CACNA2D3: variants seen among roughly 807,000 people sequenced by gnomAD.
CACNA2D3 encodes voltage-dependent calcium channel subunit alpha-2/delta-3.
Under a neutral mutation model 160.6 loss-of-function variants are expected in CACNA2D3, and 60 were observed. That is an observed-to-expected ratio of 0.37 (90% CI 0.30 to 0.46). CACNA2D3 has a LOEUF of 0.46. Ranked by LOEUF, CACNA2D3 falls within the 20% of genes least tolerant of loss-of-function variation. The pLI is 1.00. For missense variants in CACNA2D3, 1,205 were observed against 1,365.0 expected (o/e 0.88, Z 1.85); for synonymous variants, 558 against 492.9 (o/e 1.13, Z -1.75).
At chr3:54,541,847 G>A (rs1701984589) in intron 5 of CACNA2D3, among the ~76,000 whole-genome samples, 1 of 152,036 alleles carries the variant, frequency 6.6e-6, no homozygotes, top group Admixed American at 6.5e-5. Context: ...TGTAGATTTA[G>A]GTGATGGTTT....
intron 2 of CACNA2D3, among the ~76,000 whole-genome samples, chr3:54,242,096 G>C (rs1701985068): frequency 6.6e-6 from 1 of 151,978 alleles, no homozygotes; most frequent in South Asian, 2.1e-4. Context: ...TTATAAATTA[G>C]GCACAATAAA....
chr3:54,555,558 G>T (rs183935144), intron 5 of CACNA2D3, among the ~76,000 whole-genome samples: 3 of 152,338 alleles, frequency 2.0e-5, no homozygotes, highest in African/African-American at 7.2e-5. Flanking sequence ...GATCAGGGTT[G>T]TGGGAGGCGC....
intron 35 of CACNA2D3, among the ~76,000 whole-genome samples, chr3:55,023,169 T>C (rs1703497045): frequency 6.6e-6 from 1 of 152,190 alleles, no homozygotes; most frequent in African/African-American, 2.4e-5. Context: ...TTCCATTGTC[T>C]TCTCACTTTT....
Position 54,774,632 on chromosome 3 carries a change from T to C in CACNA2D3, c.1380+10281T>C, listed in dbSNP as rs976251212. Among the ~76,000 whole-genome samples the C allele has an allele frequency of 9.2e-3, 1,152 of 125,832 alleles. 18 individuals carry two copies. Among genetic ancestry groups the C allele is most frequent in the African/African-American group, 0.031 (1,075 of 35,240 alleles). The allele number at this position is 125,832 out of a possible 152,430, so 82.6% of individuals were successfully genotyped here. On this transcript the variant is annotated intron_variant, in intron 13 of 37. Coordinates refer to ENST00000474759, the MANE Select transcript of CACNA2D3 (RefSeq NM_018398.3). ...TATTTTGACTTGCTCTTTGACTATT[T>C]TTTTTTTTTTTTTTTTTTTTGAAAT...
At chr3:54,750,610 T>C (rs896736885) in intron 11 of CACNA2D3, among the ~76,000 whole-genome samples, 4 of 152,218 alleles carry the variant, frequency 2.6e-5, no homozygotes, top group Admixed American at 2.6e-4. Flanking sequence ...GCTGCAACTT[T>C]GATGAAATGA....
chr3:54,222,097 ATTATT>A (rs1159517420), intron 2 of CACNA2D3, among the ~76,000 whole-genome samples: 1 of 152,184 alleles, frequency 6.6e-6, no homozygotes, highest in Non-Finnish European at 1.5e-5. Flanking sequence ...ATGCTTACTT[ATTATT>A]TTAGTTAAAA....
At chr3:54,347,728 C>A (rs974187024) in intron 3 of CACNA2D3, among the ~76,000 whole-genome samples, 1 of 152,030 alleles carries the variant, frequency 6.6e-6, no homozygotes, top group South Asian at 2.1e-4. Flanking sequence ...TTGCCAGGGA[C>A]CCCATGGATC....
At chr3:54,439,313 G>T in intron 4 of CACNA2D3, among the ~76,000 whole-genome samples, 1 of 151,684 alleles carries the variant, frequency 6.6e-6, no homozygotes, top group East Asian at 1.9e-4. Flanking sequence ...AGGAGGGTGT[G>T]TGTGTGTGTG....
intron 3 of CACNA2D3, among the ~76,000 whole-genome samples, chr3:54,329,419 C>CG (rs1704194552): frequency 6.6e-6 from 1 of 152,128 alleles, no homozygotes. Context: ...GGCCAGAGAA[C>CG]TCCTGATAAA....
At chr3:54,372,229 A>G (rs1698936839) in intron 3 of CACNA2D3, among the ~76,000 whole-genome samples, 1 of 152,270 alleles carries the variant, frequency 6.6e-6, no homozygotes, top group Non-Finnish European at 1.5e-5. Flanking sequence ...AACTTCAGCT[A>G]CGTGGAATTG....
intron 2 of CACNA2D3, among the ~76,000 whole-genome samples, chr3:54,249,767 T>G (rs1003663830): frequency 3.8e-5 from 2 of 52,502 alleles, no homozygotes; most frequent in Non-Finnish European, 8.6e-5. Context: ...AAATTATGTT[T>G]TTTTTTTTTT....
intron 4 of CACNA2D3, among the ~76,000 whole-genome samples, chr3:54,402,180 C>A (rs1233819215): frequency 6.6e-6 from 1 of 151,794 alleles, no homozygotes; most frequent in Non-Finnish European, 1.5e-5. Flanking sequence ...CAGAAACTTA[C>A]TAGATTACAA....
intron 11 of CACNA2D3, among the ~76,000 whole-genome samples, chr3:54,645,148 G>C (rs1374984192): frequency 6.6e-6 from 1 of 152,152 alleles, no homozygotes; most frequent in African/African-American, 2.4e-5. Flanking sequence ...TTACAATCAT[G>C]GCAGAAGGGG....
chr3:54,461,035 A>G (rs548156749), intron 4 of CACNA2D3, among the ~76,000 whole-genome samples: 141 of 147,366 alleles, frequency 9.6e-4, no homozygotes, highest in African/African-American at 3.6e-3. Context: ...TGAGATAATC[A>G]TGTTGTTTTT....
At chr3:54,934,338 C>G (rs1472834792) in intron 27 of CACNA2D3, among the ~76,000 whole-genome samples, 1 of 152,162 alleles carries the variant, frequency 6.6e-6, no homozygotes, top group East Asian at 1.9e-4. Flanking sequence ...TTGAGCCGTT[C>G]AGTGGAGAAC....
chr3:55,005,785 G>T (rs1703081474), intron 32 of CACNA2D3, among the ~76,000 whole-genome samples: 1 of 152,270 alleles, frequency 6.6e-6, no homozygotes, highest in Admixed American at 6.5e-5. Flanking sequence ...ACCAGACATA[G>T]TGTACCTCTG....
At chr3:54,903,363 G>A (rs1700382956) in intron 27 of CACNA2D3, among the ~76,000 whole-genome samples, 1 of 152,168 alleles carries the variant, frequency 6.6e-6, no homozygotes. Context: ...AATTCCATCT[G>A]TGTTCCTGCA....
intron 2 of CACNA2D3, among the ~76,000 whole-genome samples, chr3:54,269,925 G>A (rs1457261029): frequency 6.6e-6 from 1 of 152,160 alleles, no homozygotes; most frequent in Non-Finnish European, 1.5e-5. Context: ...TCTCTGTTGT[G>A]TTGTCATTAT....
intron 27 of CACNA2D3, among the ~76,000 whole-genome samples, chr3:54,914,300 C>T (rs1373847939): frequency 6.6e-5 from 10 of 152,070 alleles, no homozygotes; most frequent in Admixed American, 6.6e-4. Context: ...ATTATGAGGC[C>T]TTGTCTGGGC....
Sources: allele counts gnomAD v4.1 joint callset (sites outside exome capture counted in the v4.1 genomes callset), GRCh38; gene constraint gnomAD v4.1.1; transcripts MANE v1.5; gene names NCBI Gene and HGNC (gene_info 2026-07-23, HGNC 2026-07-21).